The following SLC23A2 variants were observed in gnomAD, a reference collection of about 807,000 sequenced individuals.
SLC23A2 encodes solute carrier family 23 member 2, also known as Na(+)/L-ascorbic acid transporter 2.
Under a neutral mutation model 73.3 loss-of-function variants are expected in SLC23A2, and 36 were observed. The observed-to-expected ratio is 0.49, with a 90% CI of 0.38 to 0.65. SLC23A2 has a LOEUF of 0.65. SLC23A2 is among the 30% of genes least tolerant of loss of function. The probability of loss-of-function intolerance (pLI) is 0.00; values close to 1 mark genes in which losing one functional copy is unlikely to be tolerated. For synonymous variants in SLC23A2, 343 were observed against 327.3 expected, an observed-to-expected ratio of 1.05 and a Z score of -0.52; for missense variants, 507 against 841.6, an observed-to-expected ratio of 0.60 and a Z score of 4.92.
intron 4 of SLC23A2, among the ~76,000 whole-genome samples, chr20:4,911,868 G>A (rs1330476663): frequency 6.6e-6 from 1 of 151,848 alleles, no homozygotes; most frequent in Non-Finnish European, 1.5e-5. Flanking sequence ...TTTAGAGACA[G>A]GGTCTTACTC....
At chr20:4,897,254 AC>A (rs1362346434) in intron 6 of SLC23A2, among the ~76,000 whole-genome samples, 1 of 151,616 alleles carries the variant, frequency 6.6e-6, no homozygotes, top group South Asian at 2.1e-4. Context: ...CAAGCCCAAC[AC>A]CCCACCAAAG....
intron 15 of SLC23A2, 77 bp downstream of exon 15, chr20:4,861,871 A>G: frequency 6.7e-7 from 1 of 1,502,388 alleles, no homozygotes; most frequent in Non-Finnish European, 9.1e-7. Flanking sequence ...AGTCCTCTCC[A>G]ATGGGCAAAG....
intron 6 of SLC23A2, among the ~76,000 whole-genome samples, chr20:4,894,632 T>A (rs1931452679): frequency 6.6e-6 from 1 of 152,126 alleles, no homozygotes; most frequent in Admixed American, 6.5e-5. Flanking sequence ...GTAGTTCTAT[T>A]TAGGTCTTGT....
At chr20:5,006,095 G>GTTTGT (rs2088188067), upstream of SLC23A2, among the ~76,000 whole-genome samples, 1 of 151,876 alleles carries the variant, frequency 6.6e-6, no homozygotes, top group Non-Finnish European at 1.5e-5. Context: ...ATATTTTTTT[G>GTTTGT]TTTGTTTTGT....
rs143286940 is a variant in SLC23A2, at chr20:4,883,770, G to C, written c.696C>G (p.Leu232=). ...SSLIEVVIGL[L]GLPGALLKYI... Reference sequence around the variant, plus strand: ...ACTTCAGTAGAGCCCCAGGCAGGCCGAGGAGGCCGATGACTACTTCTATCA... The same window carrying C: ...ACTTCAGTAGAGCCCCAGGCAGGCCCAGGAGGCCGATGACTACTTCTATCA... Residue 232 remains leucine (L), a synonymous_variant, in exon 9 of 17, where the codon CTC becomes CTG. Coordinates refer to ENST00000338244, the MANE Select transcript of SLC23A2 (RefSeq NM_005116.6). This position sits in a 1 kb window ranked among gnomAD's most constrained non-coding sequence, Gnocchi z 4.5. 1 of 1,613,628 alleles carries C rather than the reference G, an allele frequency of 6.2e-7. No individual in the cohort carries two copies. The highest frequency in any genetic ancestry group is 1.1e-5 in the South Asian group (1 of 91,026).
intron 4 of SLC23A2, among the ~76,000 whole-genome samples, chr20:4,903,231 T>C (rs1477603246): frequency 6.6e-6 from 1 of 152,180 alleles, no homozygotes; most frequent in Non-Finnish European, 1.5e-5. Context: ...ACATTAAGTG[T>C]GGCATGGTTT....
At chr20:4,886,054 A>T in intron 6 of SLC23A2, 145 bp from the exon 7 acceptor site, 1 of 576,832 alleles carries the variant, frequency 1.7e-6, no homozygotes, top group Non-Finnish European at 3.1e-6. Flanking sequence ...CCCAGTTTGC[A>T]AAGGTTTCCT....
chr20:4,913,341 G>C (rs956425529), intron 3 of SLC23A2, among the ~76,000 whole-genome samples: 2 of 152,142 alleles, frequency 1.3e-5, no homozygotes, highest in Non-Finnish European at 2.9e-5. Flanking sequence ...CACCTAGAAG[G>C]GGAAATGTTC....
intron 1 of SLC23A2, among the ~76,000 whole-genome samples, chr20:4,971,354 T>C (rs930429806): frequency 2.7e-5 from 4 of 150,680 alleles, no homozygotes; most frequent in Admixed American, 6.6e-5. Flanking sequence ...AGTGTGGTGG[T>C]GCACACCTGT....
rs755374169 is a variant in SLC23A2 at position 4,883,541 on chromosome 20, G to C, written c.824+101C>G. 2.3e-6 allele frequency: 2 copies of C among 880,612 alleles called. No homozygotes were observed. Among genetic ancestry groups the C allele is most frequent in the Non-Finnish European group, 1.7e-6 (1 of 578,284 alleles). The allele number at this position is 880,612 out of a possible 1,614,324, so 54.5% of individuals were successfully genotyped here. The stretch of plus-strand genomic sequence containing the variant: ...GAAGCAAATAAAGTTGAAACTGTCA[G>C]ACCATTCTTATTATTGAAAAACATT... On this transcript the variant is annotated intron_variant, in intron 9 of 16. Transcript: ENST00000338244. The surrounding 1 kb of genome is among the most constrained non-coding windows in gnomAD (Gnocchi z 4.5).
chr20:4,956,418 A>C (rs1375880603), intron 2 of SLC23A2, among the ~76,000 whole-genome samples: 2 of 152,236 alleles, frequency 1.3e-5, no homozygotes, highest in Non-Finnish European at 2.9e-5. Context: ...ACGAAATCTA[A>C]TGGCACTTGG....
chr20:4,905,602 C>G (rs930998957), intron 4 of SLC23A2, among the ~76,000 whole-genome samples: 1 of 152,220 alleles, frequency 6.6e-6, no homozygotes, highest in Non-Finnish European at 1.5e-5. Context: ...GAACTCAGAA[C>G]GCTGTTCTCT....
intron 4 of SLC23A2, among the ~76,000 whole-genome samples, chr20:4,910,870 A>C (rs1932118105): frequency 6.6e-6 from 1 of 152,246 alleles, no homozygotes; most frequent in South Asian, 2.1e-4. Flanking sequence ...ATCAATGTTT[A>C]GACAATGAAA....
intron 5 of SLC23A2, among the ~76,000 whole-genome samples, chr20:4,901,122 T>C (rs984966876): frequency 6.6e-6 from 1 of 152,196 alleles, no homozygotes; most frequent in Non-Finnish European, 1.5e-5. Context: ...TGGTTCAGAA[T>C]GCTCAGCCCA....
chr20:4,920,277 T>A (rs78116638), intron 3 of SLC23A2, among the ~76,000 whole-genome samples: 1 of 152,148 alleles, frequency 6.6e-6, no homozygotes, highest in Non-Finnish European at 1.5e-5. Flanking sequence ...ATGAGAAACC[T>A]CTTTCTACCT....
At chr20:4,931,878 A>C (rs1210045667) in intron 3 of SLC23A2, among the ~76,000 whole-genome samples, 1 of 152,240 alleles carries the variant, frequency 6.6e-6, no homozygotes, top group Non-Finnish European at 1.5e-5. Flanking sequence ...TCTAAAGAGC[A>C]TTTTTCTGTT....
At position 4,867,806 on chromosome 20, in the gene SLC23A2, T is replaced by C. The variant is rs1358896003; in HGVS notation, c.1320A>G (p.Ser440=). ...GIFGTGNGST[S]SSPNIGVLGI... ...CCAAAACTCCAATGTTGGGACTGGATGAAGTAGAGCCATTCCCAGTACCAA... is the reference window on the plus strand; with the variant it reads ...CCAAAACTCCAATGTTGGGACTGGACGAAGTAGAGCCATTCCCAGTACCAA... The change falls in exon 13 of 17, where the codon TCA becomes TCG. Residue 440 remains serine, a synonymous_variant. Transcript: ENST00000338244. The C allele has an allele frequency of 1.2e-6, 2 of 1,609,882 alleles. No homozygotes were observed. The highest frequency in any genetic ancestry group is 2.2e-5 in the East Asian group (1 of 44,838).
At chr20:5,002,801 G>A (rs6084958), upstream of SLC23A2, among the ~76,000 whole-genome samples, 1 of 152,158 alleles carries the variant, frequency 6.6e-6, no homozygotes, top group Non-Finnish European at 1.5e-5. Context: ...GCACAATTAA[G>A]GCTGCAGCAT....
intron 6 of SLC23A2, among the ~76,000 whole-genome samples, chr20:4,896,153 G>A (rs1335126991): frequency 6.6e-6 from 1 of 152,120 alleles, no homozygotes; most frequent in African/African-American, 2.4e-5. Flanking sequence ...TGCAGCAAAC[G>A]TGCCCCCCAC....
Sources: gnomAD v4.1 joint callset for allele counts (sites outside exome capture counted in the v4.1 genomes callset) on GRCh38, gnomAD v4.1.1 for gene constraint, Gnocchi (gnomAD v3.1) non-coding constraint, MANE v1.5 for transcripts, NCBI Gene and HGNC (gene_info 2026-07-23, HGNC 2026-07-21) for gene names.